The following COL17A1 variants were observed in gnomAD, a reference collection of about 807,000 sequenced individuals.
COL17A1 encodes collagen alpha-1(XVII) chain.
In COL17A1, 181 loss-of-function variants were observed where a neutral mutation model predicts 218.4. That is an observed-to-expected ratio of 0.83 (90% CI 0.73 to 0.94). The LOEUF is 0.94. Ranked by LOEUF, COL17A1 falls within the 40% of genes least tolerant of loss-of-function variation. The pLI is 0.00. For synonymous variants in COL17A1, 721 were observed against 731.0 expected, an observed-to-expected ratio of 0.99 and a Z score of 0.22; for missense variants, 1,924 against 1,945.9, an observed-to-expected ratio of 0.99 and a Z score of 0.21.
At position 104,038,397 on chromosome 10, in the gene COL17A1, G is replaced by A; in HGVS notation, c.3070+9C>T. The A allele has an allele frequency of 6.2e-7, 1 of 1,613,582 alleles. No individual in the cohort carries two copies. Among genetic ancestry groups the A allele is most frequent in the Non-Finnish European group, 8.5e-7 (1 of 1,179,996 alleles). ...TTGTCCCCACGGCTTGCGGCGGCCA[G>A]CTACTCACTCTGCATGTACTCAGAG... On this transcript the variant is annotated intron_variant, in intron 45 of 55. Coordinates refer to ENST00000648076, the MANE Select transcript of COL17A1 (RefSeq NM_000494.4).
intron 34 of COL17A1, 46 bp from the exon 35 acceptor site, chr10:104,043,627 T>C (rs1479717696): frequency 2.5e-6 from 4 of 1,604,644 alleles, no homozygotes; most frequent in Non-Finnish European, 3.4e-6. Flanking sequence ...CTTTTCTCAC[T>C]CAGAGGCGCT....
At chr10:104,035,951 T>C (rs1364090608) in intron 48 of COL17A1, among the ~76,000 whole-genome samples, 1 of 45,022 alleles carries the variant, frequency 2.2e-5, no homozygotes, top group Non-Finnish European at 6.1e-5. Context: ...TATGGGAGTG[T>C]GAGTACAGGA....
In COL17A1 at chr10:104,056,972, T is replaced by C. The variant is rs775985170; in HGVS notation, c.1465+3A>G. 10 of 1,568,644 alleles carry C rather than the reference T, an allele frequency of 6.4e-6. No homozygotes were observed. In the African/African-American group the frequency reaches 1.4e-4, roughly 21 times the overall value. Reference sequence around the variant, plus strand: ...AGGCTGCCCTGCTGCCTTTGCCACGTACCCAGAGCAATGAGGCCGAAGAGC... The same window carrying C: ...AGGCTGCCCTGCTGCCTTTGCCACGCACCCAGAGCAATGAGGCCGAAGAGC... On this transcript the variant is annotated splice_donor_region_variant and intron_variant, in intron 17 of 55. Transcript: ENST00000648076.
chr10:104,063,280 T>C (rs1188314311), intron 11 of COL17A1, among the ~76,000 whole-genome samples: 1 of 152,262 alleles, frequency 6.6e-6, no homozygotes, highest in Non-Finnish European at 1.5e-5. Context: ...ATTGTTGTTA[T>C]GTTTGCATTG....
chr10:104,067,339 A>AAT, intron 9 of COL17A1, among the ~76,000 whole-genome samples: 1 of 118,330 alleles, frequency 8.5e-6, no homozygotes, highest in Non-Finnish European at 2.1e-5. Flanking sequence ...AGGAATAAAA[A>AAT]AAAAAAAAAA....
Position 104,064,479 on chromosome 10 carries a change from C to A in COL17A1, c.725G>T (p.Ser242Ile), listed in dbSNP as rs2086609379. The change falls in exon 10 of 56, where the codon AGC becomes ATC. Residue 242 changes from serine (S) to isoleucine (I), a missense_variant. Physicochemically the swap from Ser to Ile is moderately radical, Grantham distance 142. Transcript: ENST00000648076. ...GTYHNNMTTQ[S>I]SSLLNTNAYS... ...GGCATTGGTGTTGAGGAGGGATGAG[C>A]TCTGGGTTGTCATGTTGTTGTGATA... The A allele has an allele frequency of 6.2e-7, 1 of 1,614,062 alleles. No individual in the cohort carries two copies. The highest frequency in any genetic ancestry group is 1.3e-5 in the African/African-American group (1 of 74,928).
intron 17 of COL17A1, among the ~76,000 whole-genome samples, chr10:104,056,600 AAAAGAAAAG>A (rs2086530553): frequency 6.6e-6 from 1 of 152,142 alleles, no homozygotes; most frequent in Non-Finnish European, 1.5e-5. Context: ...AAAAGAAAGA[AAAAGAAAAG>A]AAAGAAAAGA....
chr10:104,050,258 G>A (rs2086455520), intron 27 of COL17A1, 134 bp from the exon 28 acceptor site: 5 of 1,338,380 alleles, frequency 3.7e-6, no homozygotes, highest in Non-Finnish European at 4.1e-6. Context: ...ATGTTGGTGA[G>A]GACACAGCAT....
At chr10:104,035,592 A>C in intron 48 of COL17A1, 29 bp from the exon 49 acceptor site, 1 of 1,573,342 alleles carries the variant, frequency 6.4e-7, no homozygotes, top group Non-Finnish European at 8.7e-7. Context: ...CAGATCAGGC[A>C]GGGGGAGGCA....
In COL17A1 at chr10:104,050,493, G is replaced by C. The variant is rs752901708; in HGVS notation, c.2128+128C>G. On this transcript the variant is annotated intron_variant, in intron 27 of 55. Coordinates refer to ENST00000648076, the MANE Select transcript of COL17A1 (RefSeq NM_000494.4). ...TTTGTGCCTCAGTTTCCCTATCTGA[G>C]AGGTTGGATTAGAATGAGATCTTGG... 8.0e-6 allele frequency: 12 copies of C among 1,493,264 alleles called. 1 individual carries two copies. The East Asian group carries it at 2.5e-4, about 31-fold the overall frequency. The allele number at this position is 1,493,264 out of a possible 1,614,324, so 92.5% of individuals were successfully genotyped here.
At chr10:104,036,244 G>C (rs564320785) in intron 48 of COL17A1, among the ~76,000 whole-genome samples, 6 of 149,958 alleles carry the variant, frequency 4.0e-5, no homozygotes, top group African/African-American at 1.5e-4. Context: ...GTGTGTGTGA[G>C]AGAGAGAGAG....
intron 48 of COL17A1, among the ~76,000 whole-genome samples, chr10:104,036,101 TGG>T (rs2086290985): frequency 1.1e-5 from 1 of 91,166 alleles, no homozygotes; most frequent in African/African-American, 4.7e-5. Flanking sequence ...TGTGTGTGTA[TGG>T]GAGTGTGTGT....
At chr10:104,072,289 C>T (rs1490508041) in intron 7 of COL17A1, among the ~76,000 whole-genome samples, 1 of 152,168 alleles carries the variant, frequency 6.6e-6, no homozygotes, top group African/African-American at 2.4e-5. Flanking sequence ...CAACTGCATA[C>T]CTCCCAGGCA....
intron 51 of COL17A1, 23 bp from the exon 52 acceptor site, chr10:104,034,357 A>G (rs1396692641): frequency 6.5e-7 from 1 of 1,538,290 alleles, no homozygotes; most frequent in African/African-American, 1.4e-5. Context: ...AAGCTGCATG[A>G]GTGGGAGCTC....
intron 5 of COL17A1, 36 bp downstream of exon 5, chr10:104,076,265 A>G: frequency 6.2e-7 from 1 of 1,613,320 alleles, no homozygotes; most frequent in South Asian, 1.1e-5. Flanking sequence ...CTTGGGGAAG[A>G]GAATGGTTCT....
At chr10:104,071,940 GCACACACACACGCATGCA>G in intron 8 of COL17A1, 74 bp downstream of exon 8, 1 of 1,553,668 alleles carries the variant, frequency 6.4e-7, no homozygotes, top group Non-Finnish European at 8.8e-7. Context: ...GTGCATGCAT[GCACACACACACGCATGCA>G]CACACACACA....
chr10:104,033,913 C>G (rs761791675), intron 52 of COL17A1, 32 bp downstream of exon 52: 5 of 1,613,904 alleles, frequency 3.1e-6, no homozygotes, highest in South Asian at 2.2e-5. Flanking sequence ...GCTCCTTCCC[C>G]CCAGCACCAA....
In COL17A1 at chr10:104,059,619, C is replaced by A. The variant is rs768110197; in HGVS notation, c.1222+19G>T. On this transcript the variant is annotated intron_variant, in intron 15 of 55. Coordinates refer to ENST00000648076, the MANE Select transcript of COL17A1 (RefSeq NM_000494.4). ...GCCTGGCTGAAGTCAAGGTGGACAA[C>A]AATCATATTTGTTCTTACCATTAGC... 1 of 1,609,694 alleles carries A rather than the reference C, an allele frequency of 6.2e-7. No individual in the cohort carries two copies. Among genetic ancestry groups the A allele is most frequent in the Non-Finnish European group, 8.5e-7 (1 of 1,175,932 alleles).
intron 25 of COL17A1, 107 bp from the exon 26 acceptor site, chr10:104,051,008 C>A (rs539161805): frequency 6.4e-7 from 1 of 1,561,164 alleles, no homozygotes; most frequent in South Asian, 1.1e-5. Context: ...ATGCACACAC[C>A]CTATAGTAAA....
Sources: gnomAD v4.1 joint callset for allele counts (sites outside exome capture counted in the v4.1 genomes callset) on GRCh38, gnomAD v4.1.1 for gene constraint, MANE v1.5 for transcripts, NCBI Gene and HGNC (gene_info 2026-07-23, HGNC 2026-07-21) for gene names.